Variants in PTPRD observed in about 807,000 individuals in gnomAD.
The protein encoded by PTPRD is protein tyrosine phosphatase receptor type D, also known as receptor-type tyrosine-protein phosphatase delta.
In PTPRD, 34 loss-of-function variants were observed where a neutral mutation model predicts 214.5. The ratio of observed to expected loss-of-function variants is 0.16; its 90% CI spans 0.12 to 0.21. PTPRD has a LOEUF of 0.21. Among genes scored for constraint, PTPRD ranks in the 10% least tolerant of loss-of-function variants. PTPRD has a pLI of 1.00. For missense variants in PTPRD, 2,545 were observed against 2,398.7 expected (o/e 1.06, Z -1.27); for synonymous variants, 1,128 against 845.7 (o/e 1.33, Z -5.79).
rs137950271 is a variant in PTPRD at position 10,274,147 on chromosome 9, C to G, written c.-545+66816G>C. Reference sequence around the variant, plus strand: ...CTGTCCAACTCTGATATTTAATGCTCCCATTACAGGGAAAACATGGAACAA... The same window carrying G: ...CTGTCCAACTCTGATATTTAATGCTGCCATTACAGGGAAAACATGGAACAA... On this transcript the variant is annotated intron_variant, in intron 3 of 45. Coordinates refer to ENST00000381196, the MANE Select transcript of PTPRD (RefSeq NM_002839.4). Among the ~76,000 whole-genome samples the G allele has an allele frequency of 2.6e-5, 4 of 152,190 alleles. No individual in the cohort carries two copies. The East Asian group carries it at 7.7e-4, about 29-fold the overall frequency.
intron 7 of PTPRD, among the ~76,000 whole-genome samples, chr9:9,684,129 G>C (rs1934269): frequency 6.6e-6 from 1 of 151,274 alleles, no homozygotes; most frequent in Non-Finnish European, 1.5e-5. Flanking sequence ...CAAAAAGGCA[G>C]CCTGAACACA....
chr9:10,087,388 G>C (rs1758493231), intron 3 of PTPRD, among the ~76,000 whole-genome samples: 1 of 151,518 alleles, frequency 6.6e-6, no homozygotes, highest in African/African-American at 2.4e-5. Flanking sequence ...ATTATTACTA[G>C]ATGTTCCAAT....
chr9:9,435,444 G>T (rs1302765272), intron 8 of PTPRD, among the ~76,000 whole-genome samples: 3 of 151,354 alleles, frequency 2.0e-5, no homozygotes, highest in Non-Finnish European at 4.4e-5. Context: ...CCAGGAGTTG[G>T]AAGCTGCAGT....
intron 39 of PTPRD, among the ~76,000 whole-genome samples, chr9:8,352,702 G>A (rs2075851551): frequency 6.6e-6 from 1 of 152,180 alleles, no homozygotes; most frequent in African/African-American, 2.4e-5. Flanking sequence ...AAGGTACTTG[G>A]AGGGCATTTG....
intron 3 of PTPRD, among the ~76,000 whole-genome samples, chr9:10,233,272 G>A (rs1298151446): frequency 6.6e-6 from 1 of 151,956 alleles, no homozygotes; most frequent in African/African-American, 2.4e-5. Context: ...CACAGAGGTT[G>A]CTAAAATTCT....
intron 5 of PTPRD, among the ~76,000 whole-genome samples, chr9:9,902,074 G>C (rs975508228): frequency 6.6e-6 from 1 of 152,114 alleles, no homozygotes; most frequent in Admixed American, 6.6e-5. Context: ...CCTATTGGCT[G>C]CTTCTACTCT....
rs546156868 is a variant in PTPRD, at chr9:9,120,365, G to A, written c.-143+62939C>T. ...ATGATATATGCCATCAGGCACTTGT[G>A]GTGCTTTAGAAAGCTCTAAAAAGAA... is the stretch of plus-strand genomic sequence containing the variant. On this transcript the variant is annotated intron_variant, in intron 10 of 45. Coordinates refer to ENST00000381196, the MANE Select transcript of PTPRD (RefSeq NM_002839.4). Among the ~76,000 whole-genome samples, 268 of 152,254 alleles carry A rather than the reference G, an allele frequency of 1.8e-3. 2 individuals carry two copies. The highest frequency in any genetic ancestry group is 6.3e-3 in the African/African-American group (263 of 41,544).
intron 9 of PTPRD, among the ~76,000 whole-genome samples, chr9:9,223,607 T>C (rs1299520208): frequency 2.6e-5 from 4 of 152,132 alleles, no homozygotes; most frequent in South Asian, 2.1e-4. Context: ...ATGGATTCTG[T>C]TACTATCAAA....
At chr9:8,729,633 T>C (rs2098632897) in intron 12 of PTPRD, among the ~76,000 whole-genome samples, 1 of 152,142 alleles carries the variant, frequency 6.6e-6, no homozygotes, top group African/African-American at 2.4e-5. Flanking sequence ...ATCATGACCA[T>C]CACCGTCATC....
intron 5 of PTPRD, among the ~76,000 whole-genome samples, chr9:9,914,595 C>T (rs944246912): frequency 4.6e-5 from 7 of 152,144 alleles, no homozygotes; most frequent in African/African-American, 1.7e-4. Flanking sequence ...TGAGGGCCTG[C>T]GTTCCGAGTA....
At chr9:9,504,076 AT>A (rs2096507911) in intron 8 of PTPRD, among the ~76,000 whole-genome samples, 1 of 151,708 alleles carries the variant, frequency 6.6e-6, no homozygotes, top group Non-Finnish European at 1.5e-5. Flanking sequence ...GGGTATTCTC[AT>A]TGCAATACCC....
At chr9:9,855,686 T>C (rs1487512519) in intron 5 of PTPRD, among the ~76,000 whole-genome samples, 2 of 151,988 alleles carry the variant, frequency 1.3e-5, no homozygotes, top group Non-Finnish European at 2.9e-5. Flanking sequence ...ACTCCACCCC[T>C]CCAGGAGGCA....
intron 2 of PTPRD, among the ~76,000 whole-genome samples, chr9:10,524,896 A>G (rs1424588063): frequency 6.6e-6 from 1 of 151,948 alleles, no homozygotes; most frequent in Non-Finnish European, 1.5e-5. Context: ...ATAGGGGTAA[A>G]TTGTAAAAAC....
chr9:8,752,763 C>T (rs959031518), intron 11 of PTPRD, among the ~76,000 whole-genome samples: 3 of 152,080 alleles, frequency 2.0e-5, no homozygotes, highest in Admixed American at 2.0e-4. Flanking sequence ...TGGTTGCAGA[C>T]TCAAGAGTAA....
chr9:8,796,941 T>G (rs1319304214), intron 11 of PTPRD, among the ~76,000 whole-genome samples: 1 of 152,132 alleles, frequency 6.6e-6, no homozygotes, highest in East Asian at 1.9e-4. Flanking sequence ...TTTTTGTTTT[T>G]TTTCTAGTTT....
intron 2 of PTPRD, among the ~76,000 whole-genome samples, chr9:10,567,897 T>C (rs1270058742): frequency 6.6e-6 from 1 of 151,568 alleles, no homozygotes; most frequent in Non-Finnish European, 1.5e-5. Context: ...CATTTTTTTG[T>C]CTTAATAATA....
chr9:8,429,712 G>A (rs1260761533), intron 35 of PTPRD, among the ~76,000 whole-genome samples: 2 of 152,096 alleles, frequency 1.3e-5, no homozygotes, highest in African/African-American at 4.8e-5. Flanking sequence ...GCTGAATGGT[G>A]GGAGACATGT....
At chr9:9,781,742 C>T (rs2098844437) in intron 5 of PTPRD, among the ~76,000 whole-genome samples, 1 of 151,984 alleles carries the variant, frequency 6.6e-6, no homozygotes, top group African/African-American at 2.4e-5. Context: ...ATCCGATTTG[C>T]TAAGTCCCAT....
intron 7 of PTPRD, among the ~76,000 whole-genome samples, chr9:9,603,847 T>G (rs1431845203): frequency 2.0e-5 from 3 of 152,140 alleles, no homozygotes; most frequent in African/African-American, 7.2e-5. Flanking sequence ...AATACATTTT[T>G]TTTTTTAACT....
Sources: gnomAD v4.1 joint callset for allele counts (sites outside exome capture counted in the v4.1 genomes callset) on GRCh38, gnomAD v4.1.1 for gene constraint, MANE v1.5 for transcripts, NCBI Gene and HGNC (gene_info 2026-07-23, HGNC 2026-07-21) for gene names.